Variants in CRACD observed in about 807,000 individuals in gnomAD.
CRACD encodes the protein capping protein inhibiting regulator of actin dynamics, also known as capping protein-inhibiting regulator of actin dynamics.
A neutral mutation model predicts 106.8 loss-of-function variants in CRACD; 56 were observed. That is an observed-to-expected ratio of 0.52 (90% CI 0.42 to 0.66). The LOEUF (loss-of-function observed/expected upper bound fraction) is 0.66, where lower values mean the gene tolerates loss of function less well. CRACD is among the 30% of genes least tolerant of loss of function. The pLI is 0.00. For missense variants in CRACD, 1,730 were observed against 1,623.2 expected, an observed-to-expected ratio of 1.07 and a Z score of -1.13; for synonymous variants, 754 against 670.8, an observed-to-expected ratio of 1.12 and a Z score of -1.92.
chr4:56,328,500 A>T lies in CRACD; in HGVS notation c.*696A>T. 2.2e-6 allele frequency: 1 copy of T among 458,604 alleles called. No homozygotes were observed. 28.4% of individuals were successfully genotyped at this position (458,604 alleles called of 1,614,324 possible). A position where few individuals can be genotyped will look rare whatever the true frequency, so the allele number is the denominator to read the frequency against. On this transcript the variant is annotated 3_prime_UTR_variant, in exon 11 of 11. Coordinates refer to ENST00000682029, the MANE Select transcript of CRACD (RefSeq NM_001393381.1). Reference sequence around the variant, plus strand: ...TAAGGACATGTGAAGCATTTGGCCCAGTTGGCTCCCAGGGAACATTTTAAT... The same window carrying T: ...TAAGGACATGTGAAGCATTTGGCCCTGTTGGCTCCCAGGGAACATTTTAAT...
intron 1 of CRACD, among the ~76,000 whole-genome samples, chr4:56,050,661 A>G (rs1731843500): frequency 1.3e-5 from 2 of 152,212 alleles, no homozygotes; most frequent in Admixed American, 1.3e-4. Context: ...AAAATTGCCT[A>G]TATGAAAAAA....
intron 1 of CRACD, among the ~76,000 whole-genome samples, chr4:56,178,739 G>A (rs1011763709): frequency 1.3e-5 from 2 of 152,058 alleles, no homozygotes; most frequent in Admixed American, 1.3e-4. Flanking sequence ...GTTGTTTCTT[G>A]GACATTTTCT....
At chr4:56,266,974 C>T (rs898870900) in intron 2 of CRACD, among the ~76,000 whole-genome samples, 2 of 152,042 alleles carry the variant, frequency 1.3e-5, no homozygotes, top group African/African-American at 2.4e-5. Context: ...ATTTTATTTC[C>T]TACTAATGTC....
rs368856795 is a variant in CRACD at position 56,056,598 on chromosome 4, C to CAA, written c.-336+7308_-336+7309dup. Among the ~76,000 whole-genome samples the CAA allele has an allele frequency of 7.4e-3, 1,054 of 142,554 alleles. 15 individuals carry two copies. Among genetic ancestry groups the CAA allele is most frequent in the African/African-American group, 0.024 (933 of 38,490 alleles). 93.5% of individuals were successfully genotyped at this position (142,554 alleles called of 152,430 possible). On this transcript the variant is annotated intron_variant, in intron 1 of 10. Transcript: ENST00000682029. ...AACCCTGTCTCTATAAAAAAAAAAC[C>CAA]AAAAAAAAAACAAACAAAAAAAACA...
intron 1 of CRACD, among the ~76,000 whole-genome samples, chr4:56,101,306 T>TA (rs1261960062): frequency 4.6e-5 from 7 of 152,176 alleles, no homozygotes; most frequent in African/African-American, 1.2e-4. Context: ...ACAGCCACAT[T>TA]AAAAAAACAT....
At chr4:56,169,831 C>T (rs144003678) in intron 1 of CRACD, among the ~76,000 whole-genome samples, 93 of 152,140 alleles carry the variant, frequency 6.1e-4, no homozygotes, top group Middle Eastern at 3.4e-3. Context: ...TGTTCTGCAG[C>T]CAAGTATCAG....
intron 1 of CRACD, among the ~76,000 whole-genome samples, chr4:56,157,298 T>C (rs1735794759): frequency 6.6e-6 from 1 of 152,066 alleles, no homozygotes. Flanking sequence ...CAAAATCCCA[T>C]CTCTACAAAA....
chr4:56,186,078 T>G (rs1407132820), intron 2 of CRACD, among the ~76,000 whole-genome samples: 1 of 152,302 alleles, frequency 6.6e-6, no homozygotes, highest in East Asian at 1.9e-4. Context: ...TGAAATGAGA[T>G]TCCTCTCTCC....
Position 56,313,245 on chromosome 4 carries a change from G to A in CRACD, c.403G>A (p.Gly135Ser), listed in dbSNP as rs1188319850. Residue 135 changes from glycine to serine, a missense_variant, in exon 7 of 11, where the codon GGC becomes AGC. Transcript: ENST00000682029. ...GCCAAAAAGGCACTTCTCTTCTGCT[G>A]GCACCATCGAAAGTGTCAACTTAGA... ...SRPKRHFSSA[G>S]TIESVNLDAI... 1 of 1,614,172 alleles carries A rather than the reference G, an allele frequency of 6.2e-7. No individual in the cohort carries two copies. The highest frequency in any genetic ancestry group is 1.3e-5 in the African/African-American group (1 of 75,040).
intron 2 of CRACD, among the ~76,000 whole-genome samples, chr4:56,234,207 A>T (rs963406933): frequency 3.9e-5 from 6 of 152,140 alleles, no homozygotes; most frequent in African/African-American, 1.4e-4. Context: ...TAGAGTTTTC[A>T]TCACCCTTGA....
chr4:56,240,070 T>C (rs1740274193), intron 2 of CRACD, among the ~76,000 whole-genome samples: 1 of 152,034 alleles, frequency 6.6e-6, no homozygotes, highest in African/African-American at 2.4e-5. Flanking sequence ...TCTCATATGC[T>C]CCAGACACAT....
intron 2 of CRACD, among the ~76,000 whole-genome samples, chr4:56,235,646 A>G (rs2109546854): frequency 6.6e-6 from 1 of 152,290 alleles, no homozygotes; most frequent in South Asian, 2.1e-4. Context: ...TCATGTCCAG[A>G]TTAGTGTGTT....
chr4:56,315,771 A>G lies in CRACD; in HGVS notation c.2269A>G (p.Thr757Ala). 1.9e-6 allele frequency: 3 copies of G among 1,614,196 alleles called. No individual in the cohort carries two copies. The highest frequency in any genetic ancestry group is 1.7e-5 in the Admixed American group (1 of 60,032). Residue 757 changes from threonine to alanine, a missense_variant, in exon 8 of 11, where the codon ACA becomes GCA. Thr to Ala is a moderately conservative substitution (Grantham distance 58, BLOSUM62 0). This residue lies in a region of CRACD where 1,620 missense variants were observed against 1,481.6 expected (regional missense o/e 1.09). Coordinates refer to ENST00000682029, the MANE Select transcript of CRACD (RefSeq NM_001393381.1). The surrounding 1 kb of genome is among the most constrained non-coding windows in gnomAD (Gnocchi z 4.1). The part of the protein sequence containing the change: ...KRPMLGPSEE[T>A]APQPPPAGVR... ...ACCCATGCTGGGACCCAGCGAAGAG[A>G]CAGCCCCCCAGCCTCCTCCTGCTGG...
intron 3 of CRACD, among the ~76,000 whole-genome samples, chr4:56,291,071 GTCT>G (rs929819953): frequency 2.6e-5 from 4 of 152,186 alleles, no homozygotes; most frequent in Admixed American, 2.6e-4. Context: ...GATTTTAGAG[GTCT>G]TTATACAGCT....
chr4:56,274,973 T>C (rs1742596644), intron 3 of CRACD, among the ~76,000 whole-genome samples: 1 of 152,182 alleles, frequency 6.6e-6, no homozygotes, highest in Non-Finnish European at 1.5e-5. Context: ...AGATCATGTG[T>C]TTTGCAGGAA....
chr4:56,182,099 G>C (rs1275318375), intron 2 of CRACD, among the ~76,000 whole-genome samples: 1 of 152,102 alleles, frequency 6.6e-6, no homozygotes, highest in African/African-American at 2.4e-5. Context: ...CAGCCAGGTG[G>C]GCTTGACACG....
chr4:56,174,827 A>G (rs1398239101), intron 1 of CRACD, among the ~76,000 whole-genome samples: 1 of 152,178 alleles, frequency 6.6e-6, no homozygotes, highest in Non-Finnish European at 1.5e-5. Context: ...AAAGAGGTTT[A>G]ATAGACTCAC....
chr4:56,232,675 T>G (rs1470130812), intron 2 of CRACD, among the ~76,000 whole-genome samples: 1 of 151,684 alleles, frequency 6.6e-6, no homozygotes, highest in Non-Finnish European at 1.5e-5. Context: ...AATAGGTGCT[T>G]AGCACTATAG....
intron 3 of CRACD, among the ~76,000 whole-genome samples, chr4:56,287,001 C>G (rs752166186): frequency 6.6e-5 from 10 of 152,208 alleles, no homozygotes; most frequent in Non-Finnish European, 1.2e-4. Flanking sequence ...TCCAGGCCTC[C>G]GCTGAGTTTC....
Sources: gnomAD v4.1 joint callset for allele counts (sites outside exome capture counted in the v4.1 genomes callset) on GRCh38, gnomAD v4.1.1 for gene constraint, gnomAD v4.1.1 regional missense constraint, Gnocchi (gnomAD v3.1) non-coding constraint, MANE v1.5 for transcripts, NCBI Gene and HGNC (gene_info 2026-07-23, HGNC 2026-07-21) for gene names.